The following DOCK4 variants were observed in gnomAD, a reference collection of about 807,000 sequenced individuals.
DOCK4 encodes dedicator of cytokinesis protein 4.
A neutral mutation model predicts 268.1 loss-of-function variants in DOCK4; 97 were observed. The observed-to-expected ratio is 0.36, with a 90% CI of 0.31 to 0.43. DOCK4 has a LOEUF of 0.43. Among genes scored for constraint, DOCK4 ranks in the 20% least tolerant of loss-of-function variants. The pLI is 1.00. For missense variants in DOCK4, 2,145 were observed against 2,455.7 expected (o/e 0.87, Z 2.67); for synonymous variants, 954 against 887.2 (o/e 1.08, Z -1.34).
intron 1 of DOCK4, among the ~76,000 whole-genome samples, chr7:112,100,112 T>C (rs1206556232): frequency 6.6e-6 from 1 of 152,238 alleles, no homozygotes; most frequent in Admixed American, 6.5e-5. Flanking sequence ...GTATGCTAAC[T>C]ATCATACCTC....
intron 32 of DOCK4, among the ~76,000 whole-genome samples, chr7:111,788,070 G>T (rs1055185166): frequency 1.3e-5 from 2 of 152,142 alleles, no homozygotes; most frequent in Admixed American, 1.3e-4. Context: ...CAACCTTAAA[G>T]TCTCTTTACA....
rs530564393 is a variant in DOCK4 at position 112,034,041 on chromosome 7, T to C, written c.38-29910A>G. 1.1e-3 allele frequency among the ~76,000 whole-genome samples: 172 copies of C among 152,268 alleles called. 1 individual carries two copies. Among genetic ancestry groups the C allele is most frequent in the Non-Finnish European group, 1.8e-3 (123 of 68,026 alleles). On this transcript the variant is annotated intron_variant, in intron 1 of 52. Coordinates refer to ENST00000428084, the MANE Select transcript of DOCK4 (RefSeq NM_001363540.2). ...GCTCTCAGCTCTCTCAAACCTAATA[T>C]TTTCACTTGCATACTCATATGGGAA...
intron 26 of DOCK4, among the ~76,000 whole-genome samples, chr7:111,827,082 A>G (rs1802460853): frequency 6.6e-6 from 1 of 152,074 alleles, no homozygotes; most frequent in Admixed American, 6.5e-5. Context: ...AATAGGACAG[A>G]CCCTCAGACT....
At chr7:111,743,629 A>T (rs1796079067) in intron 44 of DOCK4, among the ~76,000 whole-genome samples, 1 of 152,150 alleles carries the variant, frequency 6.6e-6, no homozygotes, top group African/African-American at 2.4e-5. Flanking sequence ...AGAATGTTGC[A>T]AGTTGGGTTC....
chr7:111,828,205 G>A (rs969594483), intron 26 of DOCK4, among the ~76,000 whole-genome samples: 17 of 152,178 alleles, frequency 1.1e-4, no homozygotes, highest in African/African-American at 4.1e-4. Context: ...TCTAGAGAAG[G>A]AAAAAAACAA....
At chr7:111,860,305 T>C (rs78194799) in intron 23 of DOCK4, among the ~76,000 whole-genome samples, 3 of 152,182 alleles carry the variant, frequency 2.0e-5, no homozygotes, top group Non-Finnish European at 4.4e-5. Context: ...AAACAGAAGG[T>C]ACTCTGAGCC....
chr7:111,772,820 A>G (rs1169974395), intron 36 of DOCK4, among the ~76,000 whole-genome samples: 1 of 152,074 alleles, frequency 6.6e-6, no homozygotes, highest in Admixed American at 6.6e-5. Flanking sequence ...AAACCCCCCA[A>G]AAAACAAAAA....
intron 12 of DOCK4, among the ~76,000 whole-genome samples, chr7:111,922,915 G>A (rs986446739): frequency 3.9e-5 from 6 of 152,120 alleles, no homozygotes; most frequent in African/African-American, 1.4e-4. Flanking sequence ...GATGAACTCT[G>A]ACTAGTTGTT....
chr7:111,945,894 T>C (rs17159030), intron 8 of DOCK4, 96 bp from the exon 9 acceptor site: 78,207 of 872,824 alleles, frequency 0.09, 5,437 homozygotes, highest in East Asian at 0.34. Context: ...GTAAGCTAAA[T>C]ATTAGGTTGT....
chr7:112,114,338 T>C (rs1381959674), intron 1 of DOCK4, among the ~76,000 whole-genome samples: 3 of 152,226 alleles, frequency 2.0e-5, no homozygotes, highest in Admixed American at 2.0e-4. Context: ...TGTTATGTTC[T>C]CAGTGGCAGA....
At chr7:112,203,592 A>C (rs1821133239) in intron 1 of DOCK4, among the ~76,000 whole-genome samples, 1 of 152,210 alleles carries the variant, frequency 6.6e-6, no homozygotes, top group South Asian at 2.1e-4. Context: ...ATTCTGTTAC[A>C]AAGACTGATT....
chr7:112,096,384 T>G (rs866851109), intron 1 of DOCK4, among the ~76,000 whole-genome samples: 57 of 152,246 alleles, frequency 3.7e-4, no homozygotes, highest in African/African-American at 1.4e-3. Context: ...GGTTTCACTT[T>G]GTTGCACAGG....
intron 1 of DOCK4, among the ~76,000 whole-genome samples, chr7:112,051,904 GAT>G (rs1387278624): frequency 6.6e-6 from 1 of 152,014 alleles, no homozygotes; most frequent in Non-Finnish European, 1.5e-5. Flanking sequence ...GATATCTATC[GAT>G]ATTTATAGAT....
At chr7:112,153,485 A>G (rs1563137259) in intron 1 of DOCK4, among the ~76,000 whole-genome samples, 2 of 152,198 alleles carry the variant, frequency 1.3e-5, no homozygotes, top group Non-Finnish European at 2.9e-5. Context: ...AGAATAACTT[A>G]AAATTGGACA....
At chr7:111,996,396 T>G (rs1333035167) in intron 4 of DOCK4, among the ~76,000 whole-genome samples, 1 of 152,232 alleles carries the variant, frequency 6.6e-6, no homozygotes, top group Non-Finnish European at 1.5e-5. Flanking sequence ...CCTCTGAAAT[T>G]ATATTTTGTT....
At chr7:112,175,790 A>C (rs1029224180) in intron 1 of DOCK4, among the ~76,000 whole-genome samples, 1 of 149,110 alleles carries the variant, frequency 6.7e-6, no homozygotes, top group African/African-American at 2.6e-5. Flanking sequence ...AATGTGCATC[A>C]ATTTTATTCC....
chr7:112,112,283 T>A (rs550891518), intron 1 of DOCK4, among the ~76,000 whole-genome samples: 1 of 152,286 alleles, frequency 6.6e-6, no homozygotes, highest in South Asian at 2.1e-4. Context: ...TCTCACCCTG[T>A]GAAACGCCTG....
At position 111,747,575 on chromosome 7, in the gene DOCK4, C is replaced by A. The variant is rs181947343; in HGVS notation, c.4417-132G>T. 4.7e-6 allele frequency: 4 copies of A among 851,254 alleles called. No homozygotes were observed. The East Asian group carries it at 1.1e-4, about 23-fold the overall frequency. The allele number at this position is 851,254 out of a possible 1,614,324, so 52.7% of individuals were successfully genotyped here. A position where few individuals can be genotyped will look rare whatever the true frequency, so the allele number is the denominator to read the frequency against. ...ATCAATATCTCTACCAGGGGCCATT[C>A]CGTAGAATAGACAAGGATGTGGAAG... On this transcript the variant is annotated intron_variant, in intron 42 of 52. Coordinates refer to ENST00000428084, the MANE Select transcript of DOCK4 (RefSeq NM_001363540.2).
At chr7:112,027,411 G>A (rs1425202078) in intron 1 of DOCK4, among the ~76,000 whole-genome samples, 1 of 152,144 alleles carries the variant, frequency 6.6e-6, no homozygotes, top group Non-Finnish European at 1.5e-5. Context: ...TTTTAGTAGA[G>A]ACAGGGTTTC....
Sources: gnomAD v4.1 joint callset for allele counts (sites outside exome capture counted in the v4.1 genomes callset) on GRCh38, gnomAD v4.1.1 for gene constraint, MANE v1.5 for transcripts, NCBI Gene and HGNC (gene_info 2026-07-23, HGNC 2026-07-21) for gene names.